ACADS: variants seen among roughly 807,000 people sequenced by gnomAD.
ACADS encodes short-chain specific acyl-CoA dehydrogenase, mitochondrial.
Under a neutral mutation model 46.8 loss-of-function variants are expected in ACADS, and 28 were observed. The ratio of observed to expected loss-of-function variants is 0.60; its 90% confidence interval spans 0.44 to 0.82. ACADS has a LOEUF of 0.82. ACADS is among the 40% of genes least tolerant of loss of function. The pLI is 0.00. For synonymous variants in ACADS, 236 were observed against 237.7 expected, an observed-to-expected ratio of 0.99 and a Z score of 0.07; for missense variants, 528 against 578.0, an observed-to-expected ratio of 0.91 and a Z score of 0.89.
chr12:120,737,205 C>T, intron 3 of ACADS, 70 bp downstream of exon 3: 1 of 1,545,518 alleles, frequency 6.5e-7, no homozygotes, highest in East Asian at 2.4e-5. Context: ...AGGCTCTGGC[C>T]TCGGCTCCCA....
At chr12:120,726,020 G>C in intron 1 of ACADS, 89 bp downstream of exon 1, 1 of 1,335,550 alleles carries the variant, frequency 7.5e-7, no homozygotes, top group Non-Finnish European at 9.9e-7. Flanking sequence ...TGTCAGAGCC[G>C]CTGGCAGGCG....
chr12:120,732,223 C>T (rs560408509), intron 2 of ACADS, among the ~76,000 whole-genome samples: 12 of 150,478 alleles, frequency 8.0e-5, no homozygotes, highest in South Asian at 2.1e-4. Context: ...CGGGCAGAGG[C>T]GCCCCTCACC....
chr12:120,738,322 A>G lies in ACADS; in HGVS notation c.667A>G (p.Thr223Ala), dbSNP rs1289900241. 1 of 1,614,206 alleles carries G rather than the reference A, an allele frequency of 6.2e-7. No individual in the cohort carries two copies. Among genetic ancestry groups the G allele is most frequent in the Non-Finnish European group, 8.5e-7 (1 of 1,180,034 alleles). ...GGTCCCCATGCCAACGCCTGGGCTC[A>G]CGTTGGGGAAGAAAGAAGACAAGCT... ...FLVPMPTPGL[T>A]LGKKEDKLGI... Residue 223 changes from threonine (T) to alanine (A), a missense_variant, in exon 6 of 10, where the codon ACG becomes GCG. Physicochemically the swap from Thr to Ala is moderately conservative, Grantham distance 58. Coordinates refer to ENST00000242592, the MANE Select transcript of ACADS (RefSeq NM_000017.4).
intron 2 of ACADS, among the ~76,000 whole-genome samples, chr12:120,735,364 A>AC (rs986429528): frequency 1.3e-5 from 2 of 149,744 alleles, no homozygotes; most frequent in African/African-American, 4.9e-5. Flanking sequence ...AAAAAAAAAA[A>AC]AAAAAAAAAA....
At position 120,725,842 on chromosome 12, in the gene ACADS, C is replaced by T; in HGVS notation, c.-44C>T. 1 of 1,525,930 alleles carries T rather than the reference C, an allele frequency of 6.6e-7. No individual in the cohort carries two copies. The highest frequency in any genetic ancestry group is 8.7e-7 in the Non-Finnish European group (1 of 1,142,974). The allele number at this position is 1,525,930 out of a possible 1,614,324, so 94.5% of individuals were successfully genotyped here. Reference sequence around the variant, plus strand: ...CCCCCCAGCACTCCGGAACAGCGCGCTCGCAGCGGGAGGTCGCGAAGCCTG... The same window carrying T: ...CCCCCCAGCACTCCGGAACAGCGCGTTCGCAGCGGGAGGTCGCGAAGCCTG... On this transcript the variant is annotated 5_prime_UTR_variant, in exon 1 of 10. Transcript: ENST00000242592.
Position 120,737,129 on chromosome 12 carries a change from C to A in ACADS, c.354C>A (p.Val118=). 1 of 1,583,634 alleles carries A rather than the reference C, an allele frequency of 6.3e-7. No homozygotes were observed. Among genetic ancestry groups the A allele is most frequent in the East Asian group, 2.3e-5 (1 of 43,468 alleles). The change falls in exon 3 of 10, where the codon GTC becomes GTA. Residue 118 remains valine, a synonymous_variant. Transcript: ENST00000242592. ...GCASTGVIMS[V]NNSLYLGPIL... is the part of the protein sequence containing the mutation. ...CCTCCACCGGAGTCATCATGAGTGT[C>A]AACAACGTGAGCCCCCTCCCAGGCC... is the stretch of plus-strand genomic sequence containing the variant.
In ACADS at chr12:120,737,757, G is replaced by C. The variant is rs695950; in HGVS notation, c.473-80G>C. On this transcript the variant is annotated intron_variant, in intron 4 of 9. Coordinates refer to ENST00000242592, the MANE Select transcript of ACADS (RefSeq NM_000017.4). ...TCATAGGGTTTCGTGTCTGCCAGCAGGGGTGTGGAGGGAGTGAGGCTGGTG... is the reference window on the plus strand; with the variant it reads ...TCATAGGGTTTCGTGTCTGCCAGCACGGGTGTGGAGGGAGTGAGGCTGGTG... 194,962 of 1,590,282 alleles carry C rather than the reference G, an allele frequency of 0.12. 16,891 individuals carry two copies. Among genetic ancestry groups the C allele is most frequent in the African/African-American group, 0.45 (33,441 of 74,450 alleles).
rs553532225 is a variant in ACADS at position 120,735,941 on chromosome 12, G to A, written c.211-1045G>A. Among the ~76,000 whole-genome samples, 15 of 148,070 alleles carry A rather than the reference G, an allele frequency of 1.0e-4. No homozygotes were observed. The East Asian group carries it at 4.6e-3, about 46-fold the overall frequency. On this transcript the variant is annotated intron_variant, in intron 2 of 9. Transcript: ENST00000242592. ...AATAAAATAAAATAACATGTTTGCA[G>A]GAATGAGATTGTATAAAAGGGCTCG...
At position 120,737,167 on chromosome 12, in the gene ACADS, G is replaced by A. The variant is rs759005862; in HGVS notation, c.360+32G>A. 21 of 1,560,110 alleles carry A rather than the reference G, an allele frequency of 1.3e-5. No individual in the cohort carries two copies. Among genetic ancestry groups the A allele is most frequent in the East Asian group, 4.8e-5 (2 of 41,818 alleles). ...CCCCTCCCAGGCCCCTGGGACACAC[G>A]GGTGGAGGGAGGCTCCCGTGAGCGG... On this transcript the variant is annotated intron_variant, in intron 3 of 9. Transcript: ENST00000242592.
chr12:120,729,884 C>T lies in ACADS; in HGVS notation c.210+2695C>T, dbSNP rs931260356. On this transcript the variant is annotated intron_variant, in intron 2 of 9. Transcript: ENST00000242592. Reference sequence around the variant, plus strand: ...TGTGCTCTTAGGTGCTGCCCCAGAGCGGTGCTCCTCTCTTTTGAAATTTGC... The same window carrying T: ...TGTGCTCTTAGGTGCTGCCCCAGAGTGGTGCTCCTCTCTTTTGAAATTTGC... Among the ~76,000 whole-genome samples the T allele has an allele frequency of 6.6e-5, 10 of 152,280 alleles. No individual in the cohort carries two copies. In the East Asian group the frequency reaches 7.7e-4, roughly 12 times the overall value.
chr12:120,738,919 C>G lies in ACADS; in HGVS notation c.1029+4C>G. The G allele has an allele frequency of 6.2e-7, 1 of 1,613,408 alleles. No individual in the cohort carries two copies. Among genetic ancestry groups the G allele is most frequent in the Non-Finnish European group, 8.5e-7 (1 of 1,179,996 alleles). ...TAACAAGAAGCCTTTCATCAAGGTG[C>G]CCACAGGGGTCCCCGAGCCATGGCC... is the stretch of plus-strand genomic sequence containing the variant. On this transcript the variant is annotated splice_donor_region_variant and intron_variant, in intron 8 of 9. Coordinates refer to ENST00000242592, the MANE Select transcript of ACADS (RefSeq NM_000017.4).
At chr12:120,734,976 T>G in intron 2 of ACADS, among the ~76,000 whole-genome samples, 1 of 151,310 alleles carries the variant, frequency 6.6e-6, no homozygotes, top group Non-Finnish European at 1.5e-5. Context: ...GGTCTCGAAC[T>G]CCTGGCTTCA....
rs199717731 is a variant in ACADS at position 120,738,563 on chromosome 12, G to A, written c.826G>A (p.Ala276Thr). 2.8e-5 allele frequency: 45 copies of A among 1,611,604 alleles called. No homozygotes were observed. The highest frequency in any genetic ancestry group is 3.7e-5 in the Non-Finnish European group (44 of 1,179,974). The change falls in exon 7 of 10, where the codon GCC (alanine) becomes ACC (threonine). Residue 276 changes from alanine (A) to threonine (T), a missense_variant. Physicochemically the swap from Ala to Thr is moderately conservative, Grantham distance 58 (BLOSUM62 0). Transcript: ENST00000242592. ...CCTGGACATGGGCCGCATCGGCATC[G>A]CCTCCCAGGCCCTGGGCATTGCCCA... Reference protein sequence around the residue: ...QTLDMGRIGIASQALGIAQTA... With the variant: ...QTLDMGRIGITSQALGIAQTA...
intron 2 of ACADS, 142 bp downstream of exon 2, chr12:120,727,331 T>C: frequency 2.6e-6 from 3 of 1,146,800 alleles, no homozygotes; most frequent in Non-Finnish European, 3.9e-6. Context: ...GCTCTGGAAG[T>C]TTCCCTTGTC....
At chr12:120,732,298 G>C (rs1430752585) in intron 2 of ACADS, among the ~76,000 whole-genome samples, 1 of 149,420 alleles carries the variant, frequency 6.7e-6, no homozygotes, top group African/African-American at 2.5e-5. Flanking sequence ...GGGGCGGCTG[G>C]CCGGGCGGGG....
chr12:120,736,904 G>T (rs546753580), intron 2 of ACADS, 82 bp from the exon 3 acceptor site: 2 of 1,484,594 alleles, frequency 1.3e-6, no homozygotes, highest in East Asian at 2.5e-5. Flanking sequence ...GCACTGCCTC[G>T]GGGGCAGGAG....
intron 2 of ACADS, among the ~76,000 whole-genome samples, chr12:120,736,173 G>GT (rs1883429809): frequency 6.6e-6 from 1 of 151,600 alleles, no homozygotes; most frequent in Non-Finnish European, 1.5e-5. Flanking sequence ...GTAGAGATGG[G>GT]GTCTTGCTAT....
chr12:120,737,111 C>G lies in ACADS; in HGVS notation c.336C>G (p.Thr112=). 6.3e-7 allele frequency: 1 copy of G among 1,591,096 alleles called. No homozygotes were observed. The highest frequency in any genetic ancestry group is 8.6e-7 in the Non-Finnish European group (1 of 1,167,956). ...AGATCAGCCGTGGCTGCGCCTCCAC[C>G]GGAGTCATCATGAGTGTCAACAACG... is the stretch of plus-strand genomic sequence containing the variant. ...MEEISRGCAS[T]GVIMSVNNSL... is the part of the protein sequence containing the mutation. The change falls in exon 3 of 10, where the codon ACC becomes ACG. Residue 112 remains threonine, a synonymous_variant. Transcript: ENST00000242592.
In ACADS at chr12:120,735,515, G is replaced by A. The variant is rs564044444; in HGVS notation, c.211-1471G>A. Among the ~76,000 whole-genome samples, 15 of 152,046 alleles carry A rather than the reference G, an allele frequency of 9.9e-5. No homozygotes were observed. The South Asian group carries it at 3.1e-3, about 32-fold the overall frequency. The stretch of plus-strand genomic sequence containing the variant: ...AGGTGAGTACTGTTTTGGGGACGGG[G>A]AAGGTAAAACTTTTATATTCACAGG... On this transcript the variant is annotated intron_variant, in intron 2 of 9. Coordinates refer to ENST00000242592, the MANE Select transcript of ACADS (RefSeq NM_000017.4).
Sources: allele counts gnomAD v4.1 joint callset (sites outside exome capture counted in the v4.1 genomes callset), GRCh38; gene constraint gnomAD v4.1.1; transcripts MANE v1.5; gene names NCBI Gene and HGNC (gene_info 2026-07-23, HGNC 2026-07-21).